AKAP9: variants seen among roughly 807,000 people sequenced by gnomAD.
AKAP9 encodes the protein A-kinase anchor protein 9.
AKAP9 carries 311 observed loss-of-function variants against 488.5 expected under a neutral mutation model. The ratio of observed to expected loss-of-function variants is 0.64; its 90% CI spans 0.58 to 0.70. The LOEUF is 0.70. Ranked by LOEUF, AKAP9 falls within the 30% of genes least tolerant of loss-of-function variation. The probability of loss-of-function intolerance (pLI) is 0.00; values close to 1 mark genes in which losing one functional copy is unlikely to be tolerated. For missense variants in AKAP9, 4,215 were observed against 4,374.5 expected (o/e 0.96, Z 1.03); for synonymous variants, 1,462 against 1,483.5 (o/e 0.99, Z 0.33).
At chr7:92,064,726 A>G (rs1563075187) in intron 24 of AKAP9, among the ~76,000 whole-genome samples, 1 of 152,218 alleles carries the variant, frequency 6.6e-6, no homozygotes, top group Admixed American at 6.5e-5. Context: ...GGAAATTTCA[A>G]TTATAGCTGT....
intron 40 of AKAP9, among the ~76,000 whole-genome samples, chr7:92,095,920 T>TAA (rs1399145475): frequency 6.6e-6 from 1 of 152,158 alleles, no homozygotes; most frequent in Non-Finnish European, 1.5e-5. Context: ...ATATTTTGAG[T>TAA]TATTTGCCCC....
intron 7 of AKAP9, among the ~76,000 whole-genome samples, chr7:92,000,379 C>T (rs1799003205): frequency 6.6e-6 from 1 of 152,134 alleles, no homozygotes; most frequent in Admixed American, 6.5e-5. Context: ...TTTCTTTTTC[C>T]ATAGCCCTTG....
In AKAP9 at chr7:92,108,507, C is replaced by G; in HGVS notation, c.11560C>G (p.Pro3854Ala). ...TTAATCCTTTAGGTACCCAGGCACT[C>G]CAGCTGATTTCAATCCTGGTTCTTT... ...LPFQNRYPGT[P>A]ADFNPGSLAC... is the part of the protein sequence containing the mutation. The change falls in exon 49 of 50, where the codon CCA becomes GCA. Residue 3854 changes from proline (P) to alanine (A), a missense_variant. By Grantham distance (27) the Pro-to-Ala change is conservative. Around this residue, in one of 5 missense-constraint regions of AKAP9, gnomAD observed 253 missense variants for 266.8 expected, o/e 0.95. Transcript: ENST00000356239. 6.2e-7 allele frequency: 1 copy of G among 1,614,130 alleles called. No homozygotes were observed. The highest frequency in any genetic ancestry group is 8.5e-7 in the Non-Finnish European group (1 of 1,180,004).
chr7:92,070,049 A>C lies in AKAP9; in HGVS notation c.6350A>C (p.His2117Pro). 2 of 1,612,834 alleles carry C rather than the reference A, an allele frequency of 1.2e-6. No homozygotes were observed. Among genetic ancestry groups the C allele is most frequent in the Non-Finnish European group, 1.7e-6 (2 of 1,179,748 alleles). ...TTTCAGGTTGAACAGTTAGCAAATCATCTGAAAGAAAAAACAGACAAATGC... is the reference window on the plus strand; with the variant it reads ...TTTCAGGTTGAACAGTTAGCAAATCCTCTGAAAGAAAAAACAGACAAATGC... ...QTREVEQLAN[H>P]LKEKTDKCSE... Residue 2117 changes from histidine to proline, a missense_variant, in exon 27 of 50, where the codon CAT becomes CCT. This residue lies in a region of AKAP9 where 2,361 missense variants were observed against 2,430.0 expected (regional missense o/e 0.97). Coordinates refer to ENST00000356239, the MANE Select transcript of AKAP9 (RefSeq NM_005751.5).
At chr7:91,997,733 T>A (rs941753794) in intron 7 of AKAP9, among the ~76,000 whole-genome samples, 1 of 152,246 alleles carries the variant, frequency 6.6e-6, no homozygotes, top group African/African-American at 2.4e-5. Flanking sequence ...TTATATTTAC[T>A]CTGTGGGCAG....
At position 91,992,212 on chromosome 7, in the gene AKAP9, G is replaced by A. The variant is rs757027446; in HGVS notation, c.405+1G>A. ...AGGAAAGCCTACAAATTTATTAAGG[G>A]TACAGTATTTAAAACTACTTGTGAT... On this transcript the variant is annotated splice_donor_variant, in intron 4 of 49. Coordinates refer to ENST00000356239, the MANE Select transcript of AKAP9 (RefSeq NM_005751.5). LOFTEE classifies it high-confidence loss of function. The A allele has an allele frequency of 1.9e-6, 3 of 1,602,852 alleles. No homozygotes were observed. Among genetic ancestry groups the A allele is most frequent in the African/African-American group, 1.3e-5 (1 of 74,640 alleles).
chr7:91,996,424 C>T (rs1315994809), intron 7 of AKAP9, among the ~76,000 whole-genome samples: 1 of 152,246 alleles, frequency 6.6e-6, no homozygotes, highest in African/African-American at 2.4e-5. Context: ...CCTGAGGCCA[C>T]CCCACTAACA....
chr7:92,081,421 C>T (rs1437915360), intron 31 of AKAP9, among the ~76,000 whole-genome samples: 1 of 149,792 alleles, frequency 6.7e-6, no homozygotes, highest in Non-Finnish European at 1.5e-5. Context: ...TCTCCTGCCT[C>T]GGCCTCCCAG....
At chr7:92,004,071 A>G (rs1003715631) in intron 8 of AKAP9, among the ~76,000 whole-genome samples, 2 of 152,194 alleles carry the variant, frequency 1.3e-5, no homozygotes, top group African/African-American at 4.8e-5. Flanking sequence ...AGTGAGAAAT[A>G]GTGATAAATT....
Position 91,941,309 on chromosome 7 carries a change from C to T in AKAP9, c.48+162C>T, listed in dbSNP as rs1334195961. Reference sequence around the variant, plus strand: ...GCATCTCTCCTCGCCCTCCTCCTTTCCCCTTTTTCCAGTTGGGGGACAAAG... The same window carrying T: ...GCATCTCTCCTCGCCCTCCTCCTTTTCCCTTTTTCCAGTTGGGGGACAAAG... On this transcript the variant is annotated intron_variant, in intron 1 of 49. Coordinates refer to ENST00000356239, the MANE Select transcript of AKAP9 (RefSeq NM_005751.5). 6 of 602,452 alleles carry T rather than the reference C, an allele frequency of 1.0e-5. No individual in the cohort carries two copies. The South Asian group carries it at 1.1e-4, about 11-fold the overall frequency. The allele number at this position is 602,452 out of a possible 1,614,324, so 37.3% of individuals were successfully genotyped here. A position where few individuals can be genotyped will look rare whatever the true frequency, so the allele number is the denominator to read the frequency against.
At chr7:92,015,075 A>T (rs1801319439) in intron 10 of AKAP9, among the ~76,000 whole-genome samples, 1 of 152,130 alleles carries the variant, frequency 6.6e-6, no homozygotes, top group East Asian at 1.9e-4. Context: ...AATTTAATAA[A>T]CTTAATTATT....
At chr7:91,945,115 C>T (rs998663000) in intron 1 of AKAP9, among the ~76,000 whole-genome samples, 1 of 152,168 alleles carries the variant, frequency 6.6e-6, no homozygotes, top group African/African-American at 2.4e-5. Flanking sequence ...GTAATCCCAA[C>T]ACTGGGAGGC....
At chr7:91,980,357 C>T (rs1175918638) in intron 3 of AKAP9, 24 bp downstream of exon 3, 1 of 1,295,454 alleles carries the variant, frequency 7.7e-7, no homozygotes, top group Non-Finnish European at 1.1e-6. Flanking sequence ...ATATTGATTT[C>T]TAATATCATA....
At chr7:92,080,752 A>G (rs1489435358) in intron 31 of AKAP9, among the ~76,000 whole-genome samples, 2 of 152,218 alleles carry the variant, frequency 1.3e-5, no homozygotes, top group Admixed American at 6.5e-5. Context: ...TTATAGACAG[A>G]ACTACCAAAT....
At chr7:92,045,362 C>A in intron 21 of AKAP9, 149 bp downstream of exon 21, 2 of 766,506 alleles carry the variant, frequency 2.6e-6, no homozygotes, top group South Asian at 1.6e-5. Flanking sequence ...CAACTCTTTT[C>A]AAACACCATT....
At chr7:92,038,360 T>C in intron 16 of AKAP9, 59 bp from the exon 17 acceptor site, 1 of 1,405,510 alleles carries the variant, frequency 7.1e-7, no homozygotes, top group Non-Finnish European at 1.0e-6. Flanking sequence ...AATTTACTTT[T>C]TAAATTCCTG....
intron 5 of AKAP9, among the ~76,000 whole-genome samples, chr7:91,993,351 G>T (rs559545415): frequency 4.6e-5 from 7 of 151,846 alleles, no homozygotes; most frequent in African/African-American, 1.7e-4. Context: ...ACCACACCCA[G>T]CTAATTTTTT....
At chr7:92,012,973 A>ATT (rs749688986) in intron 9 of AKAP9, among the ~76,000 whole-genome samples, 799 of 60,760 alleles carry the variant, frequency 0.013, 215 homozygotes, top group East Asian at 0.069. Context: ...TGGGGTTGGA[A>ATT]TTTTTTTTTT....
Position 91,973,933 on chromosome 7 carries a change from G to T in AKAP9, c.271G>T (p.Glu91Ter). The T allele has an allele frequency of 2.5e-6, 4 of 1,613,970 alleles. No individual in the cohort carries two copies. Among genetic ancestry groups the T allele is most frequent in the Non-Finnish European group, 3.4e-6 (4 of 1,179,958 alleles). ...STIMRTLHSG[E>*]ITSHEQGFSV... Reference sequence around the variant, plus strand: ...AATAATGAGAACTCTACATAGTGGAGAAATAACCAGTCATGAGCAGGGCTT... The same window carrying T: ...AATAATGAGAACTCTACATAGTGGATAAATAACCAGTCATGAGCAGGGCTT... Residue 91 changes from glutamate to a stop codon, truncating the protein, a stop_gained, in exon 2 of 50, where the codon GAA (glutamate) becomes TAA (stop). Coordinates refer to ENST00000356239, the MANE Select transcript of AKAP9 (RefSeq NM_005751.5). LOFTEE classifies it high-confidence loss of function.
Sources: allele counts gnomAD v4.1 joint callset (sites outside exome capture counted in the v4.1 genomes callset), GRCh38; gene constraint gnomAD v4.1.1; regional missense constraint gnomAD v4.1.1; transcripts MANE v1.5; gene names NCBI Gene and HGNC (gene_info 2026-07-23, HGNC 2026-07-21).